Variants in ATIC observed in about 807,000 individuals in gnomAD.
The protein encoded by ATIC is 5-aminoimidazole-4-carboxamide ribonucleotide formyltransferase/IMP cyclohydrolase, also known as bifunctional purine biosynthesis protein ATIC.
In ATIC, 64 loss-of-function variants were observed where a neutral mutation model predicts 72.5. The ratio of observed to expected loss-of-function variants is 0.88; its 90% confidence interval spans 0.72 to 1.09. The LOEUF (loss-of-function observed/expected upper bound fraction) is 1.09, where lower values mean the gene tolerates loss of function less well. ATIC is among the 50% of genes least tolerant of loss of function. The pLI, the probability that ATIC is intolerant of heterozygous loss-of-function variation, is 0.00. For synonymous variants in ATIC, 281 were observed against 267.1 expected (o/e 1.05, Z -0.51); for missense variants, 787 against 732.4 (o/e 1.07, Z -0.86).
chr2:215,312,575 G>T lies in ATIC; in HGVS notation c.97G>T (p.Ala33Ser). Residue 33 changes from alanine (A) to serine (S), a missense_variant, in exon 2 of 16, where the codon GCT (alanine) becomes TCT (serine). Ala to Ser is a moderately conservative substitution (Grantham distance 99, BLOSUM62 1). Transcript: ENST00000236959. ...NLTALGLNLV[A>S]SGGTAKALRD... Reference sequence around the variant, plus strand: ...GACCGCTCTTGGTTTGAATCTGGTCGCTTCCGGAGGGACTGCAAAAGCTCT... The same window carrying T: ...GACCGCTCTTGGTTTGAATCTGGTCTCTTCCGGAGGGACTGCAAAAGCTCT... The T allele has an allele frequency of 6.2e-7, 1 of 1,614,220 alleles. No homozygotes were observed. The highest frequency in any genetic ancestry group is 2.2e-5 in the East Asian group (1 of 44,884).
chr2:215,355,271 C>G, the ATIC span, among the ~76,000 whole-genome samples: 1 of 152,112 alleles, frequency 6.6e-6, no homozygotes, highest in African/African-American at 2.4e-5. Flanking sequence ...ATATATATGT[C>G]TAGTATAATT....
At chr2:215,314,913 A>T (rs1280052192) in intron 2 of ATIC, among the ~76,000 whole-genome samples, 1 of 152,232 alleles carries the variant, frequency 6.6e-6, no homozygotes, top group Non-Finnish European at 1.5e-5. Flanking sequence ...TTTATTTAAC[A>T]AAGTTTTACA....
intron 14 of ATIC, chr2:215,347,360 T>C (rs2106043974): frequency 2.7e-6 from 1 of 371,194 alleles, no homozygotes; most frequent in East Asian, 5.8e-5. Context: ...CCCTGGGGTC[T>C]TCTCCCACCA....
chr2:215,360,892 T>A, the ATIC span: 2 of 152,662 alleles, frequency 1.3e-5, no homozygotes, highest in Non-Finnish European at 2.9e-5. Context: ...ATTAAAACAG[T>A]TGTCTTTCCA....
At chr2:215,335,411 A>G (rs2052943766) in intron 10 of ATIC, among the ~76,000 whole-genome samples, 1 of 152,210 alleles carries the variant, frequency 6.6e-6, no homozygotes, top group African/African-American at 2.4e-5. Flanking sequence ...CAGGTATTCC[A>G]GACAGGTGGG....
chr2:215,362,298 G>A, the ATIC span: 12 of 553,276 alleles, frequency 2.2e-5, no homozygotes, highest in Non-Finnish European at 3.9e-5. Flanking sequence ...TCTCTATGTT[G>A]TTTCTTTCTC....
the ATIC span, chr2:215,362,628 CTTCCTA>C: frequency 6.3e-6 from 1 of 158,788 alleles, no homozygotes; most frequent in Non-Finnish European, 1.4e-5. Flanking sequence ...TTGCCACTCT[CTTCCTA>C]AACTTCCCTA....
intron 12 of ATIC, among the ~76,000 whole-genome samples, chr2:215,342,548 C>T (rs6435899): frequency 0.9 from 135,991 of 151,898 alleles, 61,071 homozygotes; most frequent in East Asian, 1. Context: ...TCATGTTCTT[C>T]TGTAGCCGGG....
chr2:215,362,952 TC>T, the ATIC span: 12 of 152,240 alleles, frequency 7.9e-5, no homozygotes, highest in Non-Finnish European at 1.3e-4. Context: ...CTGGGACTGT[TC>T]CATTGTGTGG....
downstream of ATIC, among the ~76,000 whole-genome samples, chr2:215,351,117 A>G (rs1207812372): frequency 6.6e-6 from 1 of 152,188 alleles, no homozygotes; most frequent in African/African-American, 2.4e-5. Context: ...CTCTGGGATA[A>G]GCCAAGACCA....
chr2:215,312,368 AG>A (rs558131151), intron 1 of ATIC, 129 bp from the exon 2 acceptor site: 12 of 1,544,034 alleles, frequency 7.8e-6, no homozygotes, highest in Middle Eastern at 1.8e-4. Context: ...GGCCCGGACC[AG>A]GCCTGCGAAC....
In ATIC at chr2:215,319,650, A is replaced by G. The variant is rs375861477; in HGVS notation, c.224-15A>G. The G allele has an allele frequency of 1.3e-5, 21 of 1,592,242 alleles. No homozygotes were observed. The highest frequency in any genetic ancestry group is 5.4e-5 in the African/African-American group (4 of 74,468). On this transcript the variant is annotated splice_polypyrimidine_tract_variant and intron_variant, in intron 3 of 15. Transcript: ENST00000236959. ...TTTTTGAAGCTAATGACTTTGTTTA[A>G]CTTTTTTAAATTAGGAATCCTAGCT...
At chr2:215,312,387 C>T (rs2052662971) in intron 1 of ATIC, 111 bp from the exon 2 acceptor site, 2 of 1,581,422 alleles carry the variant, frequency 1.3e-6, no homozygotes, top group East Asian at 2.2e-5. Context: ...AACGCAGGGT[C>T]CAGGTGCTGG....
chr2:215,361,929 C>T, the ATIC span: 1 of 1,597,802 alleles, frequency 6.3e-7, no homozygotes, highest in Non-Finnish European at 8.5e-7. Flanking sequence ...AAGAGACTGT[C>T]TAGTATGAGG....
intron 12 of ATIC, among the ~76,000 whole-genome samples, chr2:215,343,604 A>C (rs1220909122): frequency 6.6e-6 from 1 of 152,150 alleles, no homozygotes; most frequent in Non-Finnish European, 1.5e-5. Context: ...CCAAAGTGCT[A>C]GGATTACAGG....
At chr2:215,344,600 G>A (rs141730772) in intron 12 of ATIC, among the ~76,000 whole-genome samples, 179 bp from the exon 13 acceptor site, 1 of 151,996 alleles carries the variant, frequency 6.6e-6, no homozygotes, top group African/African-American at 2.4e-5. Flanking sequence ...TCTTGCACCC[G>A]GGAGGTGGAG....
intron 4 of ATIC, among the ~76,000 whole-genome samples, chr2:215,322,962 T>C (rs1045868589): frequency 2.1e-4 from 32 of 152,084 alleles, no homozygotes; most frequent in African/African-American, 7.5e-4. Context: ...GTTTTGTTTT[T>C]GAGACGGAGT....
the ATIC span, chr2:215,367,810 C>G: frequency 6.3e-7 from 1 of 1,578,552 alleles, no homozygotes; most frequent in East Asian, 2.2e-5. Context: ...TGAGTGCATG[C>G]ATGGAACTTG....
intron 13 of ATIC, 53 bp downstream of exon 13, chr2:215,344,924 A>G: frequency 6.5e-7 from 1 of 1,528,132 alleles, no homozygotes; most frequent in Non-Finnish European, 9.1e-7. Context: ...ACGAAATGAT[A>G]TTTAAACATC....
Sources: allele counts gnomAD v4.1 joint callset (sites outside exome capture counted in the v4.1 genomes callset), GRCh38; gene constraint gnomAD v4.1.1; transcripts MANE v1.5; gene names NCBI Gene and HGNC (gene_info 2026-07-23, HGNC 2026-07-21).